CTNND2: variants seen among roughly 807,000 people sequenced by gnomAD.
The protein encoded by CTNND2 is catenin delta 2.
Under a neutral mutation model 144.4 loss-of-function variants are expected in CTNND2, and 22 were observed. That is an observed-to-expected ratio of 0.15 (90% confidence interval 0.11 to 0.22). The LOEUF is 0.22. Ranked by LOEUF, CTNND2 falls within the 10% of genes least tolerant of loss-of-function variation. The pLI is 1.00. For missense variants in CTNND2, 1,353 were observed against 1,618.8 expected (o/e 0.84, Z 2.82); for synonymous variants, 751 against 695.6 (o/e 1.08, Z -1.25).
chr5:11,009,678 C>T (rs1035833522), intron 18 of CTNND2, among the ~76,000 whole-genome samples: 1 of 152,152 alleles, frequency 6.6e-6, no homozygotes, highest in Non-Finnish European at 1.5e-5. Flanking sequence ...ACGAGCGAAG[C>T]CTTGTGAAAT....
intron 10 of CTNND2, among the ~76,000 whole-genome samples, chr5:11,217,478 T>C (rs1739318526): frequency 6.6e-6 from 1 of 152,308 alleles, no homozygotes; most frequent in South Asian, 2.1e-4. Context: ...GCAGTGCCTA[T>C]GATTTCATTG....
chr5:11,351,318 C>A (rs1261322508), intron 8 of CTNND2, among the ~76,000 whole-genome samples: 3 of 152,176 alleles, frequency 2.0e-5, no homozygotes, highest in African/African-American at 2.4e-5. Flanking sequence ...GTCTCACCTG[C>A]TCTACAAACA....
chr5:11,592,114 T>A (rs1309488692), intron 2 of CTNND2, among the ~76,000 whole-genome samples: 1 of 150,392 alleles, frequency 6.6e-6, no homozygotes, highest in East Asian at 2.0e-4. Context: ...CTATCTACCT[T>A]CCTTCCTTCC....
chr5:11,020,261 T>G (rs1742100568), intron 17 of CTNND2, among the ~76,000 whole-genome samples: 2 of 152,194 alleles, frequency 1.3e-5, no homozygotes, highest in South Asian at 4.1e-4. Flanking sequence ...ATAAAGAACA[T>G]GTATAAATAC....
At chr5:11,399,189 T>C (rs957867162) in intron 5 of CTNND2, among the ~76,000 whole-genome samples, 7 of 152,224 alleles carry the variant, frequency 4.6e-5, no homozygotes, top group Non-Finnish European at 7.3e-5. Context: ...TTCTTTCTTT[T>C]TTGTACAGTC....
intron 18 of CTNND2, among the ~76,000 whole-genome samples, chr5:11,015,267 A>G (rs1157970027): frequency 6.6e-6 from 1 of 152,240 alleles, no homozygotes; most frequent in Non-Finnish European, 1.5e-5. Flanking sequence ...GAGCTTTTCA[A>G]AAGGAAAGCT....
In CTNND2 at chr5:11,824,093, C is replaced by CAAAA. The variant is rs1189701479; in HGVS notation, c.37+79720_37+79723dup. ...ACTCCAGCATGGCAACAGAGTGTCTCAAAAAAAAAAAAAAAAAAAACCATG... is the reference window on the plus strand; with the variant it reads ...ACTCCAGCATGGCAACAGAGTGTCTCAAAAAAAAAAAAAAAAAAAAAAAACCATG... On this transcript the variant is annotated intron_variant, in intron 1 of 21. Coordinates refer to ENST00000304623, the MANE Select transcript of CTNND2 (RefSeq NM_001332.4). Among the ~76,000 whole-genome samples, 522 of 58,844 alleles carry CAAAA rather than the reference C, an allele frequency of 8.9e-3. 8 individuals carry two copies. Among genetic ancestry groups the CAAAA allele is most frequent in the African/African-American group, 0.027 (486 of 18,206 alleles). 38.6% of individuals were successfully genotyped at this position (58,844 alleles called of 152,430 possible).
intron 2 of CTNND2, among the ~76,000 whole-genome samples, chr5:11,616,082 C>G (rs957407933): frequency 4.6e-5 from 7 of 152,176 alleles, no homozygotes; most frequent in Admixed American, 1.3e-4. Context: ...TTTCCTGTTA[C>G]CCAAGTTTGA....
In CTNND2 at chr5:10,981,845, A is replaced by G; in HGVS notation, c.3345T>C (p.Ala1115=). 1 of 1,613,114 alleles carries G rather than the reference A, an allele frequency of 6.2e-7. No homozygotes were observed. Among genetic ancestry groups the G allele is most frequent in the Non-Finnish European group, 8.5e-7 (1 of 1,179,530 alleles). ...EHTSRKDAMT[A]QNTGISTLYR... ...ACAAAGTTGAAATTCCAGTGTTTTG[A>G]GCTAAAAGCAAAAGGAAAACAAAAG... The change falls in exon 21 of 22, where the codon GCT becomes GCC. Residue 1115 remains alanine, a splice_region_variant and synonymous_variant. Transcript: ENST00000304623.
chr5:11,588,807 G>A (rs2150140341), intron 2 of CTNND2: 1 of 985,238 alleles, frequency 1.0e-6, no homozygotes, highest in African/African-American at 1.7e-5. Flanking sequence ...AAGACGACTA[G>A]TCCCAAAGAT....
intron 8 of CTNND2, among the ~76,000 whole-genome samples, chr5:11,359,282 T>C (rs570453100): frequency 1.7e-4 from 26 of 152,194 alleles, no homozygotes; most frequent in Non-Finnish European, 3.4e-4. Flanking sequence ...CTTTACATTT[T>C]CATCATGCAA....
At chr5:11,777,352 G>A (rs1178939377) in intron 1 of CTNND2, among the ~76,000 whole-genome samples, 1 of 152,144 alleles carries the variant, frequency 6.6e-6, no homozygotes, top group Non-Finnish European at 1.5e-5. Context: ...ATTGACTATT[G>A]GTTATAAAAC....
At chr5:11,089,205 G>A (rs552731547) in intron 15 of CTNND2, among the ~76,000 whole-genome samples, 7 of 152,244 alleles carry the variant, frequency 4.6e-5, no homozygotes, top group East Asian at 3.9e-4. Flanking sequence ...AACTTATCTC[G>A]CTTGGGTATT....
chr5:11,128,895 TTACATATATAAA>T, intron 12 of CTNND2, among the ~76,000 whole-genome samples: 1 of 55,164 alleles, frequency 1.8e-5, no homozygotes, highest in Non-Finnish European at 3.6e-5. Context: ...TAAATATATA[TTACATATATAAA>T]TATATATAAT....
intron 2 of CTNND2, among the ~76,000 whole-genome samples, chr5:11,719,843 C>T (rs1304316132): frequency 1.7e-4 from 18 of 106,612 alleles, no homozygotes; most frequent in African/African-American, 1.1e-3. Flanking sequence ...TACACACACA[C>T]ACACACACAC....
chr5:11,017,395 G>A (rs1392415533), intron 18 of CTNND2, among the ~76,000 whole-genome samples: 2 of 151,900 alleles, frequency 1.3e-5, no homozygotes, highest in African/African-American at 2.4e-5. Context: ...TTGTCACTGG[G>A]AGCACTGTCT....
intron 18 of CTNND2, among the ~76,000 whole-genome samples, chr5:11,005,231 G>T (rs529947024): frequency 1.1e-3 from 169 of 152,346 alleles, no homozygotes; most frequent in South Asian, 3.1e-3. Context: ...CTTTGTACCT[G>T]CAGAGGAAGA....
intron 1 of CTNND2, 64 bp from the exon 2 acceptor site, chr5:11,732,336 G>C (rs991091841): frequency 2.6e-6 from 4 of 1,510,856 alleles, no homozygotes; most frequent in African/African-American, 2.8e-5. Context: ...ACAACTATCA[G>C]ACCACTTTGA....
chr5:10,978,742 T>G (rs1736829708), intron 21 of CTNND2, among the ~76,000 whole-genome samples: 1 of 152,240 alleles, frequency 6.6e-6, no homozygotes. Context: ...CCCAGTGGCC[T>G]TGGTGTTTCA....
Sources: gnomAD v4.1 joint callset for allele counts (sites outside exome capture counted in the v4.1 genomes callset) on GRCh38, gnomAD v4.1.1 for gene constraint, MANE v1.5 for transcripts, NCBI Gene and HGNC (gene_info 2026-07-23, HGNC 2026-07-21) for gene names.